AKT3: variants seen among roughly 807,000 people sequenced by gnomAD.
The protein encoded by AKT3 is RAC-gamma serine/threonine-protein kinase.
AKT3 carries 15 observed loss-of-function variants against 65.3 expected under a neutral mutation model. The observed-to-expected ratio is 0.23, with a 90% CI of 0.15 to 0.35. The LOEUF (loss-of-function observed/expected upper bound fraction) is 0.35. Among genes scored for constraint, AKT3 ranks in the 10% least tolerant of loss-of-function variants. The pLI is 1.00. For synonymous variants in AKT3, 206 were observed against 183.8 expected, an observed-to-expected ratio of 1.12 and a Z score of -0.98; for missense variants, 243 against 576.5, an observed-to-expected ratio of 0.42 and a Z score of 5.92.
chr1:243,706,920 A>T (rs945278315), intron 2 of AKT3, among the ~76,000 whole-genome samples: 1 of 152,038 alleles, frequency 6.6e-6, no homozygotes, highest in Non-Finnish European at 1.5e-5. Flanking sequence ...GGGAGCGCAC[A>T]CTCTCAAGCT....
At chr1:243,838,085 T>C (rs1412992141) in intron 2 of AKT3, among the ~76,000 whole-genome samples, 1 of 152,176 alleles carries the variant, frequency 6.6e-6, no homozygotes, top group African/African-American at 2.4e-5. Flanking sequence ...AGTGTGTGTG[T>C]AACAGCAACT....
chr1:243,828,682 T>C lies in AKT3; in HGVS notation c.46+14443A>G, dbSNP rs1694321449. On this transcript the variant is annotated intron_variant, in intron 2 of 13. Transcript: ENST00000673466. The stretch of plus-strand genomic sequence containing the variant: ...CATTGTAAAAATACAGTACATTATA[T>C]ATAAAATGTGTGTTAATGGACTGTT... Among the ~76,000 whole-genome samples, 4 of 152,324 alleles carry C rather than the reference T, an allele frequency of 2.6e-5. No individual in the cohort carries two copies. The South Asian group carries it at 8.3e-4, about 32-fold the overall frequency.
intron 2 of AKT3, among the ~76,000 whole-genome samples, chr1:243,782,310 G>A (rs1313031164): frequency 1.3e-5 from 2 of 152,170 alleles, no homozygotes; most frequent in Non-Finnish European, 2.9e-5. Context: ...ATAAAGTAGG[G>A]AGCTTATAAA....
chr1:243,702,847 A>G (rs1485520197), intron 2 of AKT3: 2 of 152,196 alleles, frequency 1.3e-5, no homozygotes, highest in Non-Finnish European at 2.9e-5. Flanking sequence ...AGAAAAGAGC[A>G]GAAGTCAGAT....
chr1:243,594,517 GAA>G, intron 8 of AKT3, among the ~76,000 whole-genome samples: 2 of 152,294 alleles, frequency 1.3e-5, no homozygotes, highest in East Asian at 3.9e-4. Flanking sequence ...GATGTAAAGA[GAA>G]ACTCAAAGAT....
intron 2 of AKT3, among the ~76,000 whole-genome samples, chr1:243,724,940 C>T (rs1487415379): frequency 6.6e-6 from 1 of 151,874 alleles, no homozygotes; most frequent in African/African-American, 2.4e-5. Context: ...CAGTGGCTCA[C>T]ACCTATAATC....
intron 3 of AKT3, among the ~76,000 whole-genome samples, chr1:243,684,518 T>C (rs1684149675): frequency 6.6e-6 from 1 of 152,206 alleles, no homozygotes; most frequent in African/African-American, 2.4e-5. Flanking sequence ...TAGTATTCCA[T>C]GGTATGTATG....
At chr1:243,683,056 A>G (rs1452080646) in intron 3 of AKT3, among the ~76,000 whole-genome samples, 1 of 152,172 alleles carries the variant, frequency 6.6e-6, no homozygotes, top group African/African-American at 2.4e-5. Context: ...TATCTGTGGA[A>G]TAAGAAAATG....
At chr1:243,654,253 T>A (rs1271262338) in intron 4 of AKT3, among the ~76,000 whole-genome samples, 1 of 152,168 alleles carries the variant, frequency 6.6e-6, no homozygotes, top group Non-Finnish European at 1.5e-5. Flanking sequence ...AAAAATTAAC[T>A]CCATTTTTGT....
At chr1:243,724,696 A>G (rs1687105335) in intron 2 of AKT3, among the ~76,000 whole-genome samples, 1 of 152,194 alleles carries the variant, frequency 6.6e-6, no homozygotes. Context: ...GTTCTAATAC[A>G]GGTGGACTAT....
At chr1:243,694,864 A>G (rs903066605) in intron 3 of AKT3, among the ~76,000 whole-genome samples, 2 of 151,922 alleles carry the variant, frequency 1.3e-5, no homozygotes, top group Non-Finnish European at 2.9e-5. Flanking sequence ...CTCGTTAAAG[A>G]TTTTAGCTTA....
At chr1:243,587,243 C>T (rs1453059118) in intron 8 of AKT3, among the ~76,000 whole-genome samples, 3 of 152,142 alleles carry the variant, frequency 2.0e-5, no homozygotes, top group Admixed American at 2.0e-4. Context: ...ACAGTCTTTG[C>T]AAAACAATCT....
chr1:243,743,331 T>C (rs567596421), intron 2 of AKT3, among the ~76,000 whole-genome samples: 32 of 152,318 alleles, frequency 2.1e-4, no homozygotes, highest in African/African-American at 7.7e-4. Flanking sequence ...GCAAAGAAAT[T>C]TCCTGGAGAA....
chr1:243,597,771 G>T (rs1387955588), intron 8 of AKT3, among the ~76,000 whole-genome samples: 1 of 152,174 alleles, frequency 6.6e-6, no homozygotes, highest in African/African-American at 2.4e-5. Flanking sequence ...CAAAGTGCTG[G>T]GCATGAGCCA....
At chr1:243,588,846 T>C (rs1675996581) in intron 8 of AKT3, among the ~76,000 whole-genome samples, 1 of 152,096 alleles carries the variant, frequency 6.6e-6, no homozygotes, top group Non-Finnish European at 1.5e-5. Context: ...ATTTCTTGGA[T>C]ATGACACCAA....
downstream of AKT3, among the ~76,000 whole-genome samples, chr1:243,496,264 C>T (rs960585378): frequency 4.6e-5 from 7 of 152,294 alleles, no homozygotes; most frequent in East Asian, 9.7e-4. Context: ...GGTACCCGAG[C>T]GGGTGCGGGC....
intron 2 of AKT3, among the ~76,000 whole-genome samples, chr1:243,813,122 A>T (rs1308797271): frequency 6.6e-6 from 1 of 152,104 alleles, no homozygotes; most frequent in Non-Finnish European, 1.5e-5. Context: ...GCACATGTAT[A>T]CATATGTAAC....
At chr1:243,697,019 G>GA (rs200290616) in intron 2 of AKT3, among the ~76,000 whole-genome samples, 1,811 of 152,014 alleles carry the variant, frequency 0.012, 26 homozygotes, top group African/African-American at 0.041. Context: ...TCATTCCTCT[G>GA]AATCAGCAAT....
intron 2 of AKT3, among the ~76,000 whole-genome samples, chr1:243,731,920 T>C (rs1687594690): frequency 6.6e-6 from 1 of 152,194 alleles, no homozygotes. Context: ...GTAATTACCA[T>C]GTAACGGTTT....
Sources: gnomAD v4.1 joint callset for allele counts (sites outside exome capture counted in the v4.1 genomes callset) on GRCh38, gnomAD v4.1.1 for gene constraint, MANE v1.5 for transcripts, NCBI Gene and HGNC (gene_info 2026-07-23, HGNC 2026-07-21) for gene names.